PCGF6: variants seen among roughly 807,000 people sequenced by gnomAD.
PCGF6 encodes the protein polycomb group RING finger protein 6.
PCGF6 carries 24 observed loss-of-function variants against 45.5 expected under a neutral mutation model. The ratio of observed to expected loss-of-function variants is 0.53; its 90% CI spans 0.38 to 0.74. The LOEUF is 0.74. PCGF6 is among the 30% of genes least tolerant of loss of function. The pLI is 0.00. For synonymous variants in PCGF6, 152 were observed against 162.1 expected (o/e 0.94, Z 0.47); for missense variants, 356 against 443.2 (o/e 0.80, Z 1.77).
chr10:103,322,901 A>C (rs974199889), intron 8 of PCGF6, among the ~76,000 whole-genome samples: 77 of 151,526 alleles, frequency 5.1e-4, no homozygotes, highest in African/African-American at 1.5e-3. Context: ...AAAAACAAAA[A>C]ACAAAAAAAA....
chr10:103,321,842 T>C (rs185637329), intron 8 of PCGF6, among the ~76,000 whole-genome samples: 5 of 152,220 alleles, frequency 3.3e-5, no homozygotes, highest in South Asian at 2.1e-4. Flanking sequence ...CCACAATGTA[T>C]ACATATTTCA....
intron 9 of PCGF6, among the ~76,000 whole-genome samples, chr10:103,310,652 T>C (rs773209293): frequency 1.3e-5 from 2 of 152,170 alleles, no homozygotes; most frequent in African/African-American, 4.8e-5. Flanking sequence ...AGTTGTTCCA[T>C]TGAGACAAAG....
intron 6 of PCGF6, among the ~76,000 whole-genome samples, chr10:103,343,109 T>C (rs990660218): frequency 6.6e-6 from 1 of 152,034 alleles, no homozygotes; most frequent in Non-Finnish European, 1.5e-5. Context: ...TTTGTATTTT[T>C]AGTAGAGACG....
In PCGF6 at chr10:103,319,928, C is replaced by T. The variant is rs556003096; in HGVS notation, c.910-5656G>A. On this transcript the variant is annotated intron_variant, in intron 8 of 9. Coordinates refer to ENST00000369847, the MANE Select transcript of PCGF6 (RefSeq NM_001011663.2). ...TCATGTGATTCTCCTGCCTCATCTT[C>T]CCGAGTAGCTGGGACTATACAGGTG... Among the ~76,000 whole-genome samples the T allele has an allele frequency of 2.6e-5, 4 of 152,248 alleles. No individual in the cohort carries two copies. The South Asian group carries it at 8.3e-4, about 32-fold the overall frequency.
intron 7 of PCGF6, among the ~76,000 whole-genome samples, chr10:103,328,999 C>A (rs555848525): frequency 9.9e-5 from 15 of 151,540 alleles, no homozygotes; most frequent in African/African-American, 3.6e-4. Flanking sequence ...CCGGCCTCAG[C>A]GTCCCGAAGT....
chr10:103,345,113 A>C lies in PCGF6; in HGVS notation c.693T>G (p.Pro231=), dbSNP rs2093294532. 3.1e-6 allele frequency: 5 copies of C among 1,611,696 alleles called. No individual in the cohort carries two copies. The highest frequency in any genetic ancestry group is 2.7e-5 in the African/African-American group (2 of 74,974). Residue 231 remains proline (P), a synonymous_variant, in exon 6 of 10, where the codon CCT becomes CCG. Transcript: ENST00000369847. ...CTTTTTTAGATCTTCCTTTGCTTGA[A>C]GGGACTGGCTGTGGAACAGCTATTT... ...VPKPAVPQPV[P]SSKGRSKKVL... is the part of the protein sequence containing the mutation.
At chr10:103,341,482 C>T (rs2093280709) in intron 6 of PCGF6, among the ~76,000 whole-genome samples, 1 of 152,012 alleles carries the variant, frequency 6.6e-6, no homozygotes, top group Admixed American at 6.6e-5. Flanking sequence ...CCTTGTTGCC[C>T]AGGCTGGAGT....
chr10:103,341,751 T>C (rs2093281718), intron 6 of PCGF6, among the ~76,000 whole-genome samples: 4 of 152,000 alleles, frequency 2.6e-5, no homozygotes. Flanking sequence ...GCCAACTCTT[T>C]AATTTTCAAA....
intron 9 of PCGF6, among the ~76,000 whole-genome samples, chr10:103,313,410 C>G (rs532399629): frequency 1.3e-5 from 2 of 152,120 alleles, no homozygotes; most frequent in East Asian, 3.9e-4. Flanking sequence ...ACTAAAAATA[C>G]AAAAATCAGC....
chr10:103,350,047 C>T (rs2133604959), intron 1 of PCGF6, among the ~76,000 whole-genome samples: 1 of 151,966 alleles, frequency 6.6e-6, no homozygotes, highest in Non-Finnish European at 1.5e-5. Context: ...CGCGCCACTG[C>T]ACTCCAGCCT....
intron 9 of PCGF6, among the ~76,000 whole-genome samples, chr10:103,308,708 CA>C (rs1327976329): frequency 1.3e-5 from 2 of 151,568 alleles, no homozygotes; most frequent in Admixed American, 6.6e-5. Context: ...CCCATCTCTA[CA>C]AAAAAATACA....
intron 6 of PCGF6, among the ~76,000 whole-genome samples, chr10:103,337,665 C>T (rs1480510196): frequency 6.6e-6 from 1 of 152,110 alleles, no homozygotes; most frequent in Non-Finnish European, 1.5e-5. Context: ...CGGTGGCTCA[C>T]GCCTGTAATC....
chr10:103,336,225 C>A (rs1451722632), intron 6 of PCGF6, among the ~76,000 whole-genome samples: 1 of 149,540 alleles, frequency 6.7e-6, no homozygotes, highest in Non-Finnish European at 1.5e-5. Flanking sequence ...CAGAGTGAGA[C>A]TGCGTCTCCA....
chr10:103,348,640 T>C (rs2093308435), intron 3 of PCGF6, 76 bp downstream of exon 3: 1 of 1,146,080 alleles, frequency 8.7e-7, no homozygotes, highest in Non-Finnish European at 1.2e-6. Context: ...GTCAATAATT[T>C]ATTCCAACTA....
intron 6 of PCGF6, among the ~76,000 whole-genome samples, chr10:103,340,196 A>ATATATATAT (rs1397610873): frequency 5.0e-5 from 5 of 99,968 alleles, no homozygotes; most frequent in South Asian, 3.3e-4. Flanking sequence ...AAAAAAAAAA[A>ATATATATAT]AAATATATAT....
intron 8 of PCGF6, among the ~76,000 whole-genome samples, chr10:103,318,428 G>A (rs953859785): frequency 4.7e-5 from 7 of 147,822 alleles, no homozygotes; most frequent in African/African-American, 1.7e-4. Flanking sequence ...GGGTAACAGA[G>A]GGAGACTCCA....
intron 1 of PCGF6, 33 bp from the exon 2 acceptor site, chr10:103,349,032 A>G (rs1406757285): frequency 9.1e-6 from 14 of 1,542,004 alleles, no homozygotes; most frequent in Non-Finnish European, 1.2e-5. Flanking sequence ...TTAAAATACA[A>G]GTCCTTGCCT....
At chr10:103,322,552 G>A (rs766934125) in intron 8 of PCGF6, among the ~76,000 whole-genome samples, 1 of 152,016 alleles carries the variant, frequency 6.6e-6, no homozygotes, top group Non-Finnish European at 1.5e-5. Flanking sequence ...TGGGCACAGT[G>A]GCTCATGCCT....
chr10:103,335,366 ATT>A (rs774656906), intron 6 of PCGF6, among the ~76,000 whole-genome samples: 11 of 138,192 alleles, frequency 8.0e-5, no homozygotes, highest in Non-Finnish European at 7.9e-5. Context: ...CAAAGCACTC[ATT>A]TTTTTTTTTT....
Sources: gnomAD v4.1 joint callset for allele counts (sites outside exome capture counted in the v4.1 genomes callset) on GRCh38, gnomAD v4.1.1 for gene constraint, MANE v1.5 for transcripts, NCBI Gene and HGNC (gene_info 2026-07-23, HGNC 2026-07-21) for gene names.